Variants in TTLL9 observed in about 807,000 individuals in gnomAD.
The protein encoded by TTLL9 is tubulin tyrosine ligase like 9.
A neutral mutation model predicts 65.6 loss-of-function variants in TTLL9; 47 were observed. The ratio of observed to expected loss-of-function variants is 0.72; its 90% confidence interval spans 0.57 to 0.91. TTLL9 has a LOEUF of 0.91. Ranked by LOEUF, TTLL9 falls within the 40% of genes least tolerant of loss-of-function variation. The probability of loss-of-function intolerance (pLI) is 0.00; values close to 1 mark genes in which losing one functional copy is unlikely to be tolerated. For synonymous variants in TTLL9, 179 were observed against 204.8 expected (o/e 0.87, Z 1.07); for missense variants, 537 against 568.8 (o/e 0.94, Z 0.57).
chr20:31,892,945 A>G (rs781429207), intron 3 of TTLL9, among the ~76,000 whole-genome samples: 14 of 152,060 alleles, frequency 9.2e-5, no homozygotes, highest in South Asian at 2.1e-4. Flanking sequence ...CATTCTCACT[A>G]TATTTGCTTT....
chr20:31,923,175 A>G (rs2063838940), intron 8 of TTLL9, 122 bp downstream of exon 8: 1 of 757,080 alleles, frequency 1.3e-6, no homozygotes, highest in Non-Finnish European at 2.3e-6. Flanking sequence ...GGATGCATGG[A>G]AAGAGATGGG....
rs200788813 is a variant in TTLL9 at position 31,933,840 on chromosome 20, C to T, written c.789C>T (p.Pro263=). ...LTNVAVQKTS[P]DYHPKKGCKW... ...ACGTGGCTGTGCAAAAAACATCTCC[C>T]GACTACCACCCAAAGAAGGTGAGGA... Residue 263 remains proline, a synonymous_variant, in exon 11 of 15, where the codon CCC becomes CCT. Transcript: ENST00000535842. 1.8e-4 allele frequency: 285 copies of T among 1,614,066 alleles called. No individual in the cohort carries two copies. The Middle Eastern group carries it at 2.3e-3, about 13-fold the overall frequency.
chr20:31,887,193 C>G lies in TTLL9; in HGVS notation c.70-3C>G. ...TTACATCCTTTTCCTTTCCTCATTG[C>G]AGAACCAAAATTACAAGGGCCATGG... On this transcript the variant is annotated splice_region_variant and splice_polypyrimidine_tract_variant and intron_variant, in intron 2 of 14. Coordinates refer to ENST00000535842, the MANE Select transcript of TTLL9 (RefSeq NM_001008409.5). The G allele has an allele frequency of 6.2e-7, 1 of 1,614,112 alleles. No homozygotes were observed. The highest frequency in any genetic ancestry group is 8.5e-7 in the Non-Finnish European group (1 of 1,179,998).
At chr20:31,923,755 C>T (rs147631215) in intron 8 of TTLL9, among the ~76,000 whole-genome samples, 4 of 152,242 alleles carry the variant, frequency 2.6e-5, no homozygotes, top group African/African-American at 9.6e-5. Context: ...GCGTTAATGC[C>T]AGTTGTCTCC....
chr20:31,914,152 A>G (rs527330926), intron 6 of TTLL9, among the ~76,000 whole-genome samples: 1 of 152,372 alleles, frequency 6.6e-6, no homozygotes, highest in South Asian at 2.1e-4. Flanking sequence ...TTAACATTCC[A>G]TCACACTAGT....
chr20:31,944,084 C>T lies in TTLL9; in HGVS notation c.*1063C>T. The T allele has an allele frequency of 3.0e-6, 1 of 330,752 alleles. No individual in the cohort carries two copies. 20.5% of individuals were successfully genotyped at this position (330,752 alleles called of 1,614,324 possible). A position where few individuals can be genotyped will look rare whatever the true frequency, so the allele number is the denominator to read the frequency against. ...ATACTGGCAAATCCAAGAAGTGAAC[C>T]AGCCGACTTTAGGAAAGCCAGAAGC... On this transcript the variant is annotated 3_prime_UTR_variant, in exon 15 of 15. Transcript: ENST00000535842.
At chr20:31,884,090 C>T in intron 2 of TTLL9, 1 of 537,524 alleles carries the variant, frequency 1.9e-6, no homozygotes, top group Non-Finnish European at 3.4e-6. Flanking sequence ...TCAGCAAGGG[C>T]ATCAAATACA....
intron 6 of TTLL9, among the ~76,000 whole-genome samples, chr20:31,919,443 C>G (rs1403998091): frequency 6.6e-6 from 1 of 152,014 alleles, no homozygotes; most frequent in Non-Finnish European, 1.5e-5. Context: ...TCTCTCAGCC[C>G]CTAGACTGTG....
chr20:31,915,130 G>A (rs1568800889), intron 6 of TTLL9, among the ~76,000 whole-genome samples: 2 of 152,316 alleles, frequency 1.3e-5, no homozygotes, highest in African/African-American at 2.4e-5. Context: ...CTCTTTAGAT[G>A]GCAAAGTCAC....
chr20:31,885,055 A>T (rs543665279), intron 2 of TTLL9, among the ~76,000 whole-genome samples: 1 of 152,364 alleles, frequency 6.6e-6, no homozygotes, highest in East Asian at 1.9e-4. Context: ...AAAAATTTTT[A>T]AAAGATTTAA....
At position 31,919,933 on chromosome 20, in the gene TTLL9, G is replaced by A. The variant is rs2063791639; in HGVS notation, c.573+1G>A. On this transcript the variant is annotated splice_donor_variant, in intron 7 of 14. Transcript: ENST00000535842. LOFTEE classifies it high-confidence loss of function. ...GAAGGACATCGTGGACTGGAGGAAG[G>A]TGAGCCTGCCTCTTCCCCCTTCCTC... is the stretch of plus-strand genomic sequence containing the variant. 2 of 1,583,746 alleles carry A rather than the reference G, an allele frequency of 1.3e-6. No individual in the cohort carries two copies. Among genetic ancestry groups the A allele is most frequent in the Non-Finnish European group, 1.7e-6 (2 of 1,165,670 alleles).
In TTLL9 at chr20:31,895,229, C is replaced by T. The variant is rs558294954; in HGVS notation, c.114-3244C>T. Among the ~76,000 whole-genome samples the T allele has an allele frequency of 5.3e-5, 8 of 152,208 alleles. No homozygotes were observed. The East Asian group carries it at 5.8e-4, about 11-fold the overall frequency. On this transcript the variant is annotated intron_variant, in intron 3 of 14. Transcript: ENST00000535842. ...GTTGTTTCAAAAGAAAGTTCATTGG[C>T]GCTAGCAGTGTTTTTTATGAGAGCT...
chr20:31,935,488 G>A (rs1202088877), intron 12 of TTLL9, among the ~76,000 whole-genome samples: 1 of 152,212 alleles, frequency 6.6e-6, no homozygotes, highest in African/African-American at 2.4e-5. Flanking sequence ...CTCCCCACCA[G>A]CACTGCCAGC....
intron 2 of TTLL9, among the ~76,000 whole-genome samples, chr20:31,883,200 C>CTT (rs776036423): frequency 4.3e-5 from 6 of 140,104 alleles, no homozygotes; most frequent in Admixed American, 7.2e-5. Flanking sequence ...AGAATTCTTT[C>CTT]TTTTTTTTTT....
Position 31,898,377 on chromosome 20 carries a change from A to G in TTLL9, c.114-96A>G, listed in dbSNP as rs2123463699. 8.1e-6 allele frequency: 8 copies of G among 992,918 alleles called. No individual in the cohort carries two copies. The South Asian group carries it at 9.8e-5, about 12-fold the overall frequency. The allele number at this position is 992,918 out of a possible 1,614,324, so 61.5% of individuals were successfully genotyped here. On this transcript the variant is annotated intron_variant, in intron 3 of 14. Transcript: ENST00000535842. Reference sequence around the variant, plus strand: ...AAATACAGTGTGGAACTTTCCAGGTATGGAACTTGACTTCTCTTCCTCCTT... The same window carrying G: ...AAATACAGTGTGGAACTTTCCAGGTGTGGAACTTGACTTCTCTTCCTCCTT...
intron 7 of TTLL9, 61 bp downstream of exon 7, chr20:31,919,993 G>A (rs113186490): frequency 0.012 from 17,383 of 1,395,978 alleles, 150 homozygotes; most frequent in Middle Eastern, 0.023. Context: ...AGCAGGAGGG[G>A]CCACTCCTTC....
At position 31,934,271 on chromosome 20, in the gene TTLL9, C is replaced by T. The variant is rs866972427; in HGVS notation, c.807+413C>T. Reference sequence around the variant, plus strand: ...AGTCAAGGGCCAGATCAAGGGGACACAGGAGAGCAGGTCCCCAGCTCACAC... The same window carrying T: ...AGTCAAGGGCCAGATCAAGGGGACATAGGAGAGCAGGTCCCCAGCTCACAC... On this transcript the variant is annotated intron_variant, in intron 11 of 14. Coordinates refer to ENST00000535842, the MANE Select transcript of TTLL9 (RefSeq NM_001008409.5). The T allele has an allele frequency of 7.9e-6, 4 of 507,238 alleles. No individual in the cohort carries two copies. The Middle Eastern group carries it at 1.2e-3, about 150-fold the overall frequency. 31.4% of individuals were successfully genotyped at this position (507,238 alleles called of 1,614,324 possible). A position where few individuals can be genotyped will look rare whatever the true frequency, so the allele number is the denominator to read the frequency against.
chr20:31,879,779 C>G, intron 2 of TTLL9: 1 of 1,538,392 alleles, frequency 6.5e-7, no homozygotes, highest in Non-Finnish European at 8.8e-7. Flanking sequence ...CTCATCCAAT[C>G]AGAGCGGCGG....
chr20:31,935,907 C>A (rs898557213), intron 12 of TTLL9, among the ~76,000 whole-genome samples: 1 of 152,232 alleles, frequency 6.6e-6, no homozygotes, highest in African/African-American at 2.4e-5. Context: ...ATGACTCCGG[C>A]TGTGCCCCTC....
Sources: allele counts gnomAD v4.1 joint callset (sites outside exome capture counted in the v4.1 genomes callset), GRCh38; gene constraint gnomAD v4.1.1; transcripts MANE v1.5; gene names NCBI Gene and HGNC (gene_info 2026-07-23, HGNC 2026-07-21).